WWOX: variants seen among roughly 807,000 people sequenced by gnomAD.
The protein encoded by WWOX is WW domain-containing oxidoreductase.
Under a neutral mutation model 46.2 loss-of-function variants are expected in WWOX, and 69 were observed. The ratio of observed to expected loss-of-function variants is 1.49; its 90% CI spans 1.23 to 1.82. The LOEUF (loss-of-function observed/expected upper bound fraction) is 1.82. Ranked by LOEUF, WWOX falls within the 40% of genes most tolerant of loss-of-function variation. The probability of loss-of-function intolerance (pLI) is 0.00; values close to 1 mark genes in which losing one functional copy is unlikely to be tolerated. For synonymous variants in WWOX, 359 were observed against 202.6 expected (o/e 1.77, Z -6.56); for missense variants, 919 against 542.6 (o/e 1.69, Z -6.89).
At chr16:78,548,512 C>T (rs1286379617) in intron 8 of WWOX, among the ~76,000 whole-genome samples, 4 of 152,124 alleles carry the variant, frequency 2.6e-5, no homozygotes, top group Non-Finnish European at 4.4e-5. Context: ...AATTGTTTTG[C>T]AAACATTTTA....
chr16:78,703,575 C>G (rs2048270641), intron 8 of WWOX, among the ~76,000 whole-genome samples: 1 of 152,038 alleles, frequency 6.6e-6, no homozygotes, highest in Non-Finnish European at 1.5e-5. Context: ...GCCCTGGTCT[C>G]ACCACTACAC....
chr16:78,231,631 A>T (rs968179477), intron 5 of WWOX, among the ~76,000 whole-genome samples: 1 of 152,154 alleles, frequency 6.6e-6, no homozygotes, highest in Non-Finnish European at 1.5e-5. Context: ...GAGTAGCTCG[A>T]CTTTTGCATC....
At chr16:78,647,105 A>G (rs530486629) in intron 8 of WWOX, among the ~76,000 whole-genome samples, 1 of 152,108 alleles carries the variant, frequency 6.6e-6, no homozygotes, top group Non-Finnish European at 1.5e-5. Context: ...GAGGATGTGA[A>G]ACTGCCCAGT....
intron 8 of WWOX, among the ~76,000 whole-genome samples, chr16:78,903,370 A>T (rs930346287): frequency 4.6e-5 from 7 of 152,218 alleles, no homozygotes; most frequent in African/African-American, 1.2e-4. Context: ...TTGCTCTTTT[A>T]TGCAAACGAA....
intron 8 of WWOX, among the ~76,000 whole-genome samples, chr16:79,210,961 G>A (rs1322326700): frequency 6.6e-6 from 1 of 152,040 alleles, no homozygotes; most frequent in African/African-American, 2.4e-5. Flanking sequence ...ATGACATTTA[G>A]AAAAAGGTTT....
chr16:78,257,599 A>G (rs2038166967), intron 5 of WWOX, among the ~76,000 whole-genome samples: 1 of 152,168 alleles, frequency 6.6e-6, no homozygotes, highest in Non-Finnish European at 1.5e-5. Flanking sequence ...CCCCACTGCA[A>G]CCACGCAATT....
chr16:78,876,936 G>T (rs954617996), intron 8 of WWOX, among the ~76,000 whole-genome samples: 1 of 152,048 alleles, frequency 6.6e-6, no homozygotes, highest in African/African-American at 2.4e-5. Context: ...TAAAATTAAG[G>T]CATAAAGTAG....
intron 8 of WWOX, among the ~76,000 whole-genome samples, chr16:78,850,586 A>G (rs144615769): frequency 2.0e-5 from 3 of 152,264 alleles, no homozygotes; most frequent in Non-Finnish European, 4.4e-5. Context: ...ATTGTTTACG[A>G]TTCCTTGGAG....
At chr16:78,520,063 A>C (rs996596830) in intron 8 of WWOX, among the ~76,000 whole-genome samples, 1 of 152,208 alleles carries the variant, frequency 6.6e-6, no homozygotes, top group Non-Finnish European at 1.5e-5. Flanking sequence ...TTATTGAGGG[A>C]CATTCACTTA....
At chr16:78,154,986 C>A (rs1458474059) in intron 4 of WWOX, among the ~76,000 whole-genome samples, 1 of 152,124 alleles carries the variant, frequency 6.6e-6, no homozygotes, top group Non-Finnish European at 1.5e-5. Context: ...GTCAACATGA[C>A]CAACTAGAAA....
chr16:78,190,766 C>T (rs2035859654), intron 5 of WWOX, among the ~76,000 whole-genome samples: 1 of 152,192 alleles, frequency 6.6e-6, no homozygotes, highest in Non-Finnish European at 1.5e-5. Flanking sequence ...GATAATTAAT[C>T]TTGGAGATGA....
chr16:79,060,605 T>C (rs1157922432), intron 8 of WWOX, among the ~76,000 whole-genome samples: 2 of 152,236 alleles, frequency 1.3e-5, no homozygotes, highest in African/African-American at 4.8e-5. Context: ...GACATATGTC[T>C]TATGTCTTCA....
chr16:78,788,819 G>C (rs1030366252), intron 8 of WWOX, among the ~76,000 whole-genome samples: 4 of 152,192 alleles, frequency 2.6e-5, no homozygotes, highest in African/African-American at 7.2e-5. Flanking sequence ...GGTATGGGGG[G>C]CAGTCTTGGG....
intron 5 of WWOX, among the ~76,000 whole-genome samples, chr16:78,283,954 G>T (rs1486378479): frequency 6.6e-6 from 1 of 152,170 alleles, no homozygotes; most frequent in Non-Finnish European, 1.5e-5. Flanking sequence ...CACCTCTGAA[G>T]GGTACAGTAA....
At chr16:78,677,308 TACACTCTGCCAGAGGTTGAAA>T (rs2047624755) in intron 8 of WWOX, among the ~76,000 whole-genome samples, 1 of 152,136 alleles carries the variant, frequency 6.6e-6, no homozygotes, top group African/African-American at 2.4e-5. Flanking sequence ...ACTCATTACG[TACACTCTGCCAGAGGTTGAAA>T]ACTCAATGTT....
chr16:78,147,449 C>A (rs1031692698), intron 4 of WWOX, among the ~76,000 whole-genome samples: 3 of 151,908 alleles, frequency 2.0e-5, no homozygotes, highest in African/African-American at 4.8e-5. Context: ...TGAAAAGTTG[C>A]GTCTTAAAAA....
intron 8 of WWOX, among the ~76,000 whole-genome samples, chr16:78,538,279 C>T (rs78622546): frequency 7.2e-6 from 1 of 138,552 alleles, no homozygotes; most frequent in African/African-American, 2.7e-5. Context: ...GTTCATATCA[C>T]ATTATTTTGG....
At chr16:78,475,004 T>G (rs2084320863) in intron 8 of WWOX, among the ~76,000 whole-genome samples, 1 of 152,230 alleles carries the variant, frequency 6.6e-6, no homozygotes, top group Admixed American at 6.5e-5. Context: ...GAGATTCATC[T>G]TTGTAGCCAC....
intron 5 of WWOX, among the ~76,000 whole-genome samples, chr16:78,304,510 A>C (rs921803748): frequency 1.3e-5 from 2 of 152,192 alleles, no homozygotes; most frequent in East Asian, 3.9e-4. Flanking sequence ...GGTCTTAGTA[A>C]AATGTCTGCA....
Sources: allele counts gnomAD v4.1 joint callset (sites outside exome capture counted in the v4.1 genomes callset), GRCh38; gene constraint gnomAD v4.1.1; transcripts MANE v1.5; gene names NCBI Gene and HGNC (gene_info 2026-07-23, HGNC 2026-07-21).